Variants in PCBP2 observed in about 807,000 individuals in gnomAD.
PCBP2 encodes poly(rC)-binding protein 2.
Under a neutral mutation model 50.1 loss-of-function variants are expected in PCBP2, and 4 were observed. That is an observed-to-expected ratio of 0.08 (90% CI 0.04 to 0.18). PCBP2 has a LOEUF of 0.18. PCBP2 is among the 10% of genes least tolerant of loss of function. The pLI, the probability that PCBP2 is intolerant of heterozygous loss-of-function variation, is 1.00. For missense variants in PCBP2, 161 were observed against 474.3 expected (o/e 0.34, Z 6.14); for synonymous variants, 179 against 168.0 (o/e 1.07, Z -0.51).
chr12:53,456,286 C>T (rs375942948), intron 5 of PCBP2, among the ~76,000 whole-genome samples: 20 of 152,046 alleles, frequency 1.3e-4, no homozygotes, highest in African/African-American at 4.8e-4. Context: ...AGTGAAACCT[C>T]GTCTCTACTA....
At chr12:53,476,973 C>T (rs1942629168) in intron 14 of PCBP2, among the ~76,000 whole-genome samples, 1 of 152,156 alleles carries the variant, frequency 6.6e-6, no homozygotes, top group Non-Finnish European at 1.5e-5. Flanking sequence ...AGGAAGGATT[C>T]CACATGTTTA....
intron 8 of PCBP2, 54 bp from the exon 9 acceptor site, chr12:53,464,706 G>T: frequency 6.3e-7 from 1 of 1,587,958 alleles, no homozygotes; most frequent in Non-Finnish European, 8.5e-7. Flanking sequence ...TCATGCTGGT[G>T]ACAAGGTGCC....
In PCBP2 at chr12:53,468,227, A is replaced by C. The variant is rs1279035087; in HGVS notation, c.826+384A>C. ...CAAAAGACAGGGACTAAATCTGGAG[A>C]AATGAAGTCCCCTCACCTGACTGCC... is the stretch of plus-strand genomic sequence containing the variant. On this transcript the variant is annotated intron_variant, in intron 12 of 14. Transcript: ENST00000546463. 1.4e-5 allele frequency: 3 copies of C among 207,816 alleles called. No homozygotes were observed. In the East Asian group the frequency reaches 3.5e-4, roughly 24 times the overall value. The allele number at this position is 207,816 out of a possible 1,614,324, so 12.9% of individuals were successfully genotyped here.
chr12:53,472,013 G>GA (rs59637205), intron 14 of PCBP2, among the ~76,000 whole-genome samples: 7 of 147,232 alleles, frequency 4.8e-5, no homozygotes, highest in East Asian at 2.0e-4. Flanking sequence ...GTGGGGGGGG[G>GA]AGCACAGATT....
intron 13 of PCBP2, among the ~76,000 whole-genome samples, chr12:53,469,617 T>C (rs2137088079): frequency 6.6e-6 from 1 of 152,154 alleles, no homozygotes; most frequent in African/African-American, 2.4e-5. Flanking sequence ...TCCCAGCTAT[T>C]TGGGAGGCTA....
intron 1 of PCBP2, 91 bp from the exon 2 acceptor site, chr12:53,454,635 A>G (rs1940852867): frequency 1.6e-6 from 1 of 629,926 alleles, no homozygotes; most frequent in African/African-American, 1.8e-5. Flanking sequence ...GGAAAAGTGT[A>G]AAGTAGAAAA....
At chr12:53,458,076 C>A in intron 5 of PCBP2, among the ~76,000 whole-genome samples, 1 of 150,872 alleles carries the variant, frequency 6.6e-6, no homozygotes, top group East Asian at 2.0e-4. Context: ...TTATAGGCGC[C>A]TACCACCATG....
At chr12:53,470,593 A>C (rs556370152) in intron 13 of PCBP2, among the ~76,000 whole-genome samples, 3 of 150,880 alleles carry the variant, frequency 2.0e-5, no homozygotes, top group Non-Finnish European at 2.9e-5. Context: ...TTTTTTTTGT[A>C]AAGACAAGAG....
chr12:53,458,615 A>G (rs1247261872), intron 5 of PCBP2, among the ~76,000 whole-genome samples: 3 of 133,374 alleles, frequency 2.2e-5, no homozygotes, highest in Non-Finnish European at 4.9e-5. Flanking sequence ...TCTGTTTTAT[A>G]TTTTTTCTTA....
chr12:53,467,334 A>C (rs759006758), intron 11 of PCBP2, 41 bp downstream of exon 11: 4 of 1,471,660 alleles, frequency 2.7e-6, no homozygotes. Flanking sequence ...GGTGTAGTGC[A>C]AGAGAGAGGC....
chr12:53,475,167 T>C (rs1489671858), intron 14 of PCBP2: 1 of 456,472 alleles, frequency 2.2e-6, no homozygotes, highest in Non-Finnish European at 4.4e-6. Context: ...TGCCGTGCCA[T>C]GTGTAACTAA....
rs1555209676 is a variant in PCBP2, at chr12:53,479,671, G to GTTTTTTTTTGTTTTTGT, written c.*238_*239insGTTTTTGTTTTTTTTTT. 10 of 206,780 alleles carry GTTTTTTTTTGTTTTTGT rather than the reference G, an allele frequency of 4.8e-5. No homozygotes were observed. Among genetic ancestry groups the GTTTTTTTTTGTTTTTGT allele is most frequent in the Non-Finnish European group, 8.3e-5 (9 of 108,890 alleles). The allele number at this position is 206,780 out of a possible 1,614,324, so 12.8% of individuals were successfully genotyped here. A position where few individuals can be genotyped will look rare whatever the true frequency, so the allele number is the denominator to read the frequency against. ...ATTTAGTTTTATAAGCTTCTCCCTG[G>GTTTTTTTTTGTTTTTGT]TTTTTTTTTTTTGGCTCATGAATTT... On this transcript the variant is annotated 3_prime_UTR_variant, in exon 15 of 15. Coordinates refer to ENST00000546463, the MANE Select transcript of PCBP2 (RefSeq NM_031989.5).
rs1940566166 is a variant in PCBP2 at position 53,452,148 on chromosome 12, TCTCCCGCCCGCCCGCCCTC to T, written c.-302_-284del. On this transcript the variant is annotated 5_prime_UTR_variant, in exon 1 of 15. Coordinates refer to ENST00000546463, the MANE Select transcript of PCBP2 (RefSeq NM_031989.5). The stretch of plus-strand genomic sequence containing the variant: ...GCCGGAGCAGCCGCAGCCTGCGCCC[TCTCCCGCCCGCCCGCCCTC>T]CGCCCGCCCGCCCGCCCTCCGCCGC... The T allele has an allele frequency of 1.2e-5, 1 of 82,180 alleles. No individual in the cohort carries two copies. Among genetic ancestry groups the T allele is most frequent in the Non-Finnish European group, 2.4e-5 (1 of 41,320 alleles). 5.1% of individuals were successfully genotyped at this position (82,180 alleles called of 1,614,324 possible).
rs1942941631 is a variant in PCBP2 at position 53,479,836 on chromosome 12, C to A, written c.*394C>A. 1.2e-5 allele frequency: 2 copies of A among 160,066 alleles called. 1 individual carries two copies. Among genetic ancestry groups the A allele is most frequent in the Admixed American group, 1.3e-4 (2 of 15,738 alleles). The allele number at this position is 160,066 out of a possible 1,614,324, so 9.9% of individuals were successfully genotyped here. On this transcript the variant is annotated 3_prime_UTR_variant, in exon 15 of 15. Transcript: ENST00000546463. ...ATAGAAACTGGATGCCACAGTGATT[C>A]ATGTGGGTTTTATTCCTCTTGTCTT...
intron 9 of PCBP2, among the ~76,000 whole-genome samples, chr12:53,465,523 T>A (rs1229323609): frequency 6.6e-6 from 1 of 152,154 alleles, no homozygotes; most frequent in Non-Finnish European, 1.5e-5. Context: ...TTAGAGATCT[T>A]CCACATCACC....
intron 13 of PCBP2, among the ~76,000 whole-genome samples, chr12:53,470,111 G>A (rs1942106120): frequency 2.6e-5 from 4 of 152,064 alleles, no homozygotes; most frequent in Non-Finnish European, 5.9e-5. Context: ...TCAGCCAGGT[G>A]CAGTGGCTCA....
At chr12:53,474,308 TAGTC>T (rs1452422720) in intron 14 of PCBP2, among the ~76,000 whole-genome samples, 1 of 152,226 alleles carries the variant, frequency 6.6e-6, no homozygotes, top group African/African-American at 2.4e-5. Context: ...AATTTGAAAT[TAGTC>T]AGTGACCTAC....
Position 53,479,415 on chromosome 12 carries a change from G to A in PCBP2, c.1062G>A (p.Ser354=), listed in dbSNP as rs1942904543. Residue 354 remains serine (S), a synonymous_variant, in exon 15 of 15, where the codon TCG becomes TCA. Coordinates refer to ENST00000546463, the MANE Select transcript of PCBP2 (RefSeq NM_031989.5). ...TGTTTCTGTGTTACAGGCTTTCCTC[G>A]GAGACGGGTGGCATGGGGAGCAGCT... The part of the protein sequence containing the change: ...AQYLINVRLS[S]ETGGMGSS 2 of 1,614,044 alleles carry A rather than the reference G, an allele frequency of 1.2e-6. No individual in the cohort carries two copies. Among genetic ancestry groups the A allele is most frequent in the Non-Finnish European group, 8.5e-7 (1 of 1,179,968 alleles).
intron 14 of PCBP2, among the ~76,000 whole-genome samples, chr12:53,478,643 A>G (rs1942827842): frequency 6.6e-6 from 1 of 152,176 alleles, no homozygotes; most frequent in Non-Finnish European, 1.5e-5. Flanking sequence ...GTCTCTACTA[A>G]TAATAGAAAA....
Sources: allele counts gnomAD v4.1 joint callset (sites outside exome capture counted in the v4.1 genomes callset), GRCh38; gene constraint gnomAD v4.1.1; transcripts MANE v1.5; gene names NCBI Gene and HGNC (gene_info 2026-07-23, HGNC 2026-07-21).